Variants in PANX1 observed in about 807,000 individuals in gnomAD.
The protein encoded by PANX1 is pannexin 1.
PANX1 carries 30 observed loss-of-function variants against 38.7 expected under a neutral mutation model. That is an observed-to-expected ratio of 0.78 (90% confidence interval 0.58 to 1.05). The LOEUF (loss-of-function observed/expected upper bound fraction) is 1.05, where lower values mean the gene tolerates loss of function less well. Ranked by LOEUF, PANX1 falls within the 50% of genes least tolerant of loss-of-function variation. The pLI, the probability that PANX1 is intolerant of heterozygous loss-of-function variation, is 0.00. For synonymous variants in PANX1, 230 were observed against 212.2 expected (o/e 1.08, Z -0.73); for missense variants, 551 against 517.2 (o/e 1.07, Z -0.63).
chr11:94,177,540 C>A (rs1947248070), intron 2 of PANX1, among the ~76,000 whole-genome samples: 1 of 152,204 alleles, frequency 6.6e-6, no homozygotes, highest in Non-Finnish European at 1.5e-5. Context: ...CAATGCTGAG[C>A]TTCAATTCAG....
At chr11:94,141,076 G>A (rs1293984458) in intron 1 of PANX1, among the ~76,000 whole-genome samples, 5 of 152,230 alleles carry the variant, frequency 3.3e-5, no homozygotes, top group East Asian at 3.9e-4. Context: ...ACGTAGTATC[G>A]TGAACATAGT....
intron 2 of PANX1, among the ~76,000 whole-genome samples, chr11:94,173,756 A>G (rs1947196967): frequency 6.6e-6 from 1 of 151,542 alleles, no homozygotes; most frequent in South Asian, 2.1e-4. Flanking sequence ...TTTCTGGAAT[A>G]TATTTGATTT....
chr11:94,179,791 G>T lies in PANX1; in HGVS notation c.735G>T (p.Val245=), dbSNP rs1315424150. The change falls in exon 4 of 5, where the codon GTG becomes GTT. Residue 245 remains valine, a synonymous_variant. Coordinates refer to ENST00000227638, the MANE Select transcript of PANX1 (RefSeq NM_015368.4). ...TCTCCTCACTCTCAGACGAGTTTGT[G>T]TGCAGCATCAAATCAGGGATCCTGA... ...FSLSSLSDEF[V]CSIKSGILRN... is the part of the protein sequence containing the mutation. The T allele has an allele frequency of 2.4e-5, 39 of 1,614,006 alleles. No homozygotes were observed. Among genetic ancestry groups the T allele is most frequent in the Non-Finnish European group, 3.1e-5 (37 of 1,180,000 alleles).
chr11:94,141,291 C>T (rs1946759259), intron 1 of PANX1, among the ~76,000 whole-genome samples: 1 of 152,168 alleles, frequency 6.6e-6, no homozygotes, highest in African/African-American at 2.4e-5. Flanking sequence ...ACTTCTTTAC[C>T]AATGTTTAAT....
chr11:94,173,846 T>C lies in PANX1; in HGVS notation c.322-4523T>C, dbSNP rs367982713. ...TAATTCAGTCTCTGCTTACACTTTTTGTGAGTTTCCTAGATCTGCTATAAC... is the reference window on the plus strand; with the variant it reads ...TAATTCAGTCTCTGCTTACACTTTTCGTGAGTTTCCTAGATCTGCTATAAC... On this transcript the variant is annotated intron_variant, in intron 2 of 4. Coordinates refer to ENST00000227638, the MANE Select transcript of PANX1 (RefSeq NM_015368.4). Among the ~76,000 whole-genome samples, 3 of 151,802 alleles carry C rather than the reference T, an allele frequency of 2.0e-5. 1 individual carries two copies. The highest frequency in any genetic ancestry group is 7.3e-5 in the African/African-American group (3 of 41,078).
intron 3 of PANX1, among the ~76,000 whole-genome samples, chr11:94,178,967 G>C (rs1469345776): frequency 6.6e-6 from 1 of 152,176 alleles, no homozygotes; most frequent in Non-Finnish European, 1.5e-5. Context: ...AGCTGAGCAA[G>C]GGATGAGAGA....
intron 1 of PANX1, among the ~76,000 whole-genome samples, chr11:94,134,903 G>A (rs1315531121): frequency 1.3e-5 from 2 of 152,176 alleles, no homozygotes; most frequent in Admixed American, 1.3e-4. Context: ...CAGTCTGTGG[G>A]ATTTTCTTAC....
intron 2 of PANX1, among the ~76,000 whole-genome samples, chr11:94,158,732 C>T (rs1003797167): frequency 6.6e-6 from 1 of 152,138 alleles, no homozygotes; most frequent in Non-Finnish European, 1.5e-5. Flanking sequence ...TGATTGAATG[C>T]CCTTTATTTC....
rs747877234 is a variant in PANX1 at position 94,180,001 on chromosome 11, T to C, written c.945T>C (p.Phe315=). 1.6e-5 allele frequency: 25 copies of C among 1,596,068 alleles called. No homozygotes were observed. Among genetic ancestry groups the C allele is most frequent in the Non-Finnish European group, 2.1e-5 (25 of 1,168,244 alleles). The stretch of plus-strand genomic sequence containing the variant: ...AAGTGTACGAAATCCTCCCCACTTT[T>C]GATGTTCTGCATTTCAAATCTGAAG... The part of the protein sequence containing the change: ...VLKVYEILPT[F]DVLHFKSEGY... Residue 315 remains phenylalanine, a synonymous_variant, in exon 4 of 5, where the codon TTT becomes TTC. Transcript: ENST00000227638.
At chr11:94,167,145 C>T (rs1469201591) in intron 2 of PANX1, among the ~76,000 whole-genome samples, 1 of 152,170 alleles carries the variant, frequency 6.6e-6, no homozygotes, top group Non-Finnish European at 1.5e-5. Flanking sequence ...CAAGGCAGCA[C>T]TGAGTTCCAG....
chr11:94,173,826 C>G (rs368524102), intron 2 of PANX1, among the ~76,000 whole-genome samples: 2 of 151,734 alleles, frequency 1.3e-5, no homozygotes, highest in South Asian at 2.1e-4. Context: ...CCTCTTAATT[C>G]AGTCTCTGCT....
chr11:94,132,965 CAT>C (rs1413871898), intron 1 of PANX1, among the ~76,000 whole-genome samples: 28 of 152,326 alleles, frequency 1.8e-4, no homozygotes, highest in African/African-American at 5.8e-4. Flanking sequence ...GGAATGTCCT[CAT>C]ATGATAAAAT....
intron 2 of PANX1, among the ~76,000 whole-genome samples, chr11:94,156,686 C>T (rs543477894): frequency 6.6e-6 from 1 of 151,202 alleles, no homozygotes; most frequent in South Asian, 2.1e-4. Flanking sequence ...GATTATCATT[C>T]ATCTTTTTTT....
Position 94,170,316 on chromosome 11 carries a change from G to T in PANX1, c.322-8053G>T, listed in dbSNP as rs914463964. ...ATATAAGTGAAACCATACAATATTT[G>T]TCCTTTTGTGTCTGGCTTATCTCAC... On this transcript the variant is annotated intron_variant, in intron 2 of 4. Coordinates refer to ENST00000227638, the MANE Select transcript of PANX1 (RefSeq NM_015368.4). Among the ~76,000 whole-genome samples the T allele has an allele frequency of 7.3e-5, 11 of 151,436 alleles. 1 individual carries two copies. The highest frequency in any genetic ancestry group is 2.2e-4 in the African/African-American group (9 of 40,842).
intron 1 of PANX1, among the ~76,000 whole-genome samples, chr11:94,147,765 CTA>C (rs1190856369): frequency 6.6e-6 from 1 of 152,184 alleles, no homozygotes; most frequent in Non-Finnish European, 1.5e-5. Context: ...CAGGTACAGA[CTA>C]TTAATTCTTC....
chr11:94,177,708 T>C (rs1270067700), intron 2 of PANX1, among the ~76,000 whole-genome samples: 1 of 152,040 alleles, frequency 6.6e-6, no homozygotes, highest in African/African-American at 2.4e-5. Flanking sequence ...ATGTGGATGC[T>C]CTCCTCTTGA....
chr11:94,134,208 G>A (rs1946661873), intron 1 of PANX1, among the ~76,000 whole-genome samples: 1 of 152,210 alleles, frequency 6.6e-6, no homozygotes, highest in Admixed American at 6.5e-5. Context: ...GATCTGTGTG[G>A]CTTGGGTACC....
chr11:94,177,698 A>T (rs1212453823), intron 2 of PANX1, among the ~76,000 whole-genome samples: 1 of 148,240 alleles, frequency 6.7e-6, no homozygotes, highest in African/African-American at 2.4e-5. Context: ...CTGCACCCTG[A>T]TGTGGATGCT....
Position 94,129,307 on chromosome 11 carries a change from G to A in PANX1, c.-6G>A, listed in dbSNP as rs756740970. On this transcript the variant is annotated 5_prime_UTR_variant, in exon 1 of 5. Coordinates refer to ENST00000227638, the MANE Select transcript of PANX1 (RefSeq NM_015368.4). Reference sequence around the variant, plus strand: ...ACCTCCTGGTCGAGCCTGGCGCGCCGCAGCCATGGCCATCGCTCAACTGGC... The same window carrying A: ...ACCTCCTGGTCGAGCCTGGCGCGCCACAGCCATGGCCATCGCTCAACTGGC... The A allele has an allele frequency of 1.3e-5, 21 of 1,597,766 alleles. No homozygotes were observed. Among genetic ancestry groups the A allele is most frequent in the Non-Finnish European group, 1.8e-5 (21 of 1,167,654 alleles).
Sources: gnomAD v4.1 joint callset for allele counts (sites outside exome capture counted in the v4.1 genomes callset) on GRCh38, gnomAD v4.1.1 for gene constraint, MANE v1.5 for transcripts, NCBI Gene and HGNC (gene_info 2026-07-23, HGNC 2026-07-21) for gene names.